KCTD1: variants seen among roughly 807,000 people sequenced by gnomAD.
KCTD1 encodes the protein potassium channel tetramerization domain containing 1.
Under a neutral mutation model 66.0 loss-of-function variants are expected in KCTD1, and 24 were observed. That is an observed-to-expected ratio of 0.36 (90% CI 0.26 to 0.51). The LOEUF (loss-of-function observed/expected upper bound fraction) is 0.51, where lower values mean the gene tolerates loss of function less well. KCTD1 is among the 20% of genes least tolerant of loss of function. The pLI, the probability that KCTD1 is intolerant of heterozygous loss-of-function variation, is 0.95. For missense variants in KCTD1, 943 were observed against 1,205.2 expected (o/e 0.78, Z 3.22); for synonymous variants, 511 against 517.2 (o/e 0.99, Z 0.16).
At chr18:26,605,646 C>T (rs764709179) in intron 1 of KCTD1, among the ~76,000 whole-genome samples, 1 of 152,130 alleles carries the variant, frequency 6.6e-6, no homozygotes, top group South Asian at 2.1e-4. Flanking sequence ...CTCTCTTTCT[C>T]TACTTGAACT....
At chr18:26,536,978 C>T (rs905289147) in intron 1 of KCTD1, among the ~76,000 whole-genome samples, 8 of 150,896 alleles carry the variant, frequency 5.3e-5, no homozygotes, top group Admixed American at 1.3e-4. Flanking sequence ...CCCACCACCT[C>T]CATAAAGTGA....
chr18:26,457,488 G>A (rs1980154920), intron 4 of KCTD1: 1 of 152,232 alleles, frequency 6.6e-6, no homozygotes, highest in African/African-American at 2.4e-5. Context: ...ATGAACAGCA[G>A]AGAACCTAAC....
intron 1 of KCTD1, chr18:26,581,087 G>A (rs991342342): frequency 6.6e-6 from 1 of 152,136 alleles, no homozygotes; most frequent in Non-Finnish European, 1.5e-5. Context: ...GTTGGAAAAA[G>A]AATACTATAC....
chr18:26,561,757 G>C (rs1453677088), intron 1 of KCTD1, among the ~76,000 whole-genome samples: 2 of 152,204 alleles, frequency 1.3e-5, no homozygotes, highest in Non-Finnish European at 2.9e-5. Context: ...TAACTAGAAG[G>C]CTGGATTGAA....
chr18:26,579,567 G>A (rs1007460397), intron 1 of KCTD1, among the ~76,000 whole-genome samples: 3 of 152,156 alleles, frequency 2.0e-5, no homozygotes, highest in African/African-American at 7.2e-5. Context: ...TAATTTAGCT[G>A]TGTTCTCTTA....
At chr18:26,528,663 T>C (rs1430825204) in intron 1 of KCTD1, among the ~76,000 whole-genome samples, 1 of 152,212 alleles carries the variant, frequency 6.6e-6, no homozygotes, top group Non-Finnish European at 1.5e-5. Context: ...ATATGGCTTC[T>C]GCCCCATGCC....
upstream of KCTD1, among the ~76,000 whole-genome samples, chr18:26,643,818 C>T (rs1005192426): frequency 2.0e-5 from 3 of 152,242 alleles, no homozygotes; most frequent in South Asian, 2.1e-4. Flanking sequence ...AAAAATTAGC[C>T]GGGCTTGGTG....
At chr18:26,633,135 G>C (rs1362901755), upstream of KCTD1, among the ~76,000 whole-genome samples, 1 of 152,142 alleles carries the variant, frequency 6.6e-6, no homozygotes, top group Non-Finnish European at 1.5e-5. Flanking sequence ...ATGAGAAATA[G>C]ATCAGTGAAA....
intron 3 of KCTD1, among the ~76,000 whole-genome samples, chr18:26,470,428 G>A (rs1015694034): frequency 3.3e-5 from 5 of 152,236 alleles, no homozygotes; most frequent in African/African-American, 1.2e-4. Flanking sequence ...CTTGACTGAG[G>A]ATGTGACGCC....
At chr18:26,601,346 A>AAAG (rs1986894389) in intron 1 of KCTD1, among the ~76,000 whole-genome samples, 2 of 150,724 alleles carry the variant, frequency 1.3e-5, no homozygotes, top group African/African-American at 4.9e-5. Context: ...AAAAAAAAAA[A>AAAG]AAAGAAAGAA....
chr18:26,643,749 T>A (rs1987876753), upstream of KCTD1, among the ~76,000 whole-genome samples: 1 of 152,008 alleles, frequency 6.6e-6, no homozygotes, highest in Non-Finnish European at 1.5e-5. Context: ...TATCACGAGG[T>A]CAGGAGATGG....
chr18:26,605,049 C>A (rs1388139233), intron 1 of KCTD1, among the ~76,000 whole-genome samples: 1 of 152,126 alleles, frequency 6.6e-6, no homozygotes, highest in African/African-American at 2.4e-5. Flanking sequence ...AAATGGATTA[C>A]TGTGTTCCAG....
At chr18:26,629,564 C>A (rs1489449961), upstream of KCTD1, among the ~76,000 whole-genome samples, 4 of 152,066 alleles carry the variant, frequency 2.6e-5, no homozygotes, top group Non-Finnish European at 5.9e-5. Context: ...AGCAGCTGAG[C>A]CTAGTTTGGG....
At chr18:26,508,714 T>C (rs1393416217) in intron 1 of KCTD1, among the ~76,000 whole-genome samples, 1 of 148,318 alleles carries the variant, frequency 6.7e-6, no homozygotes, top group Admixed American at 6.6e-5. Flanking sequence ...TATATTTCTC[T>C]CTCTCTCTCT....
intron 1 of KCTD1, among the ~76,000 whole-genome samples, chr18:26,612,959 C>T (rs1427509954): frequency 6.6e-6 from 1 of 152,244 alleles, no homozygotes; most frequent in East Asian, 1.9e-4. Context: ...AAGCAGAAGT[C>T]CTCACTCATT....
At chr18:26,542,279 T>C (rs1260881773) in intron 1 of KCTD1, among the ~76,000 whole-genome samples, 1 of 152,218 alleles carries the variant, frequency 6.6e-6, no homozygotes, top group African/African-American at 2.4e-5. Context: ...TTTGAACCAA[T>C]TAATTCATAC....
chr18:26,642,087 T>C (rs562531975), upstream of KCTD1, among the ~76,000 whole-genome samples: 5 of 152,296 alleles, frequency 3.3e-5, no homozygotes, highest in South Asian at 2.1e-4. Flanking sequence ...CCATGCCCTA[T>C]GGAATTGGGC....
At chr18:26,635,519 A>C (rs1027601613) in intron 1 of KCTD1, among the ~76,000 whole-genome samples, 3 of 152,198 alleles carry the variant, frequency 2.0e-5, no homozygotes. Context: ...TGGCAGCCGC[A>C]GGAGCCTTCA....
At chr18:26,459,059 G>C (rs1980259402) in intron 4 of KCTD1, 1 of 152,800 alleles carries the variant, frequency 6.5e-6, no homozygotes, top group Admixed American at 6.5e-5. Flanking sequence ...ATCTGTCCCT[G>C]ATTTTCCCGG....
Sources: allele counts gnomAD v4.1 joint callset (sites outside exome capture counted in the v4.1 genomes callset), GRCh38; gene constraint gnomAD v4.1.1; transcripts MANE v1.5; gene names NCBI Gene and HGNC (gene_info 2026-07-23, HGNC 2026-07-21).